Variants in CNTLN observed in about 807,000 individuals in gnomAD.
CNTLN encodes centlein.
In CNTLN, 212 loss-of-function variants were observed where a neutral mutation model predicts 180.0. The observed-to-expected ratio is 1.18, with a 90% confidence interval of 1.05 to 1.32. The LOEUF (loss-of-function observed/expected upper bound fraction) is 1.32. Among genes scored for constraint, CNTLN ranks in the 40% most tolerant of loss-of-function variants. CNTLN has a pLI of 0.00. For synonymous variants in CNTLN, 722 were observed against 563.1 expected, an observed-to-expected ratio of 1.28 and a Z score of -3.99; for missense variants, 2,095 against 1,610.9, an observed-to-expected ratio of 1.30 and a Z score of -5.14.
rs772259134 is a variant in CNTLN, at chr9:17,484,493, A to T, written c.4041+13A>T. ...AGAAGATCAAGTGGTAAGATCATTTAAATATTTATTATTAAAGGGTTTATT... is the reference window on the plus strand; with the variant it reads ...AGAAGATCAAGTGGTAAGATCATTTTAATATTTATTATTAAAGGGTTTATT... On this transcript the variant is annotated intron_variant, in intron 24 of 25. Transcript: ENST00000380647. 1 of 1,569,538 alleles carries T rather than the reference A, an allele frequency of 6.4e-7. No individual in the cohort carries two copies. Among genetic ancestry groups the T allele is most frequent in the Admixed American group, 2.1e-5 (1 of 48,766 alleles).
chr9:17,426,068 C>T (rs1829064239), intron 18 of CNTLN, among the ~76,000 whole-genome samples: 1 of 152,256 alleles, frequency 6.6e-6, no homozygotes, highest in East Asian at 1.9e-4. Flanking sequence ...GGGACCTAAT[C>T]CTTCTTAGCA....
At chr9:17,150,930 C>T (rs1318392623) in intron 2 of CNTLN, among the ~76,000 whole-genome samples, 2 of 152,098 alleles carry the variant, frequency 1.3e-5, no homozygotes, top group Non-Finnish European at 2.9e-5. Context: ...TGGGAGTTCA[C>T]TCATGGTTTG....
At chr9:17,467,178 T>G (rs911788229) in intron 23 of CNTLN, among the ~76,000 whole-genome samples, 1 of 151,504 alleles carries the variant, frequency 6.6e-6, no homozygotes, top group Non-Finnish European at 1.5e-5. Context: ...TTGAAAGAAT[T>G]AAGCTGTTCC....
downstream of CNTLN, among the ~76,000 whole-genome samples, chr9:17,507,455 C>G (rs184361155): frequency 3.3e-5 from 5 of 152,206 alleles, no homozygotes; most frequent in Admixed American, 2.6e-4. Flanking sequence ...TATGAACATA[C>G]AAAAGTAGAT....
intron 15 of CNTLN, among the ~76,000 whole-genome samples, chr9:17,400,879 G>T (rs1264078405): frequency 6.6e-6 from 1 of 152,146 alleles, no homozygotes; most frequent in Non-Finnish European, 1.5e-5. Flanking sequence ...TTTTCAAATT[G>T]TGAGTACAGG....
Position 17,210,053 on chromosome 9 carries a change from T to A in CNTLN, c.450-16150T>A, listed in dbSNP as rs537969975. Among the ~76,000 whole-genome samples, 59 of 152,258 alleles carry A rather than the reference T, an allele frequency of 3.9e-4. 1 individual carries two copies. The highest frequency in any genetic ancestry group is 1.4e-3 in the African/African-American group (58 of 41,560). On this transcript the variant is annotated intron_variant, in intron 2 of 25. Transcript: ENST00000380647. ...CTCTAACATTTGGACAGAAGTTATT[T>A]TTATTATTTATTTATTTATTTTTAT...
Position 17,296,533 on chromosome 9 carries a change from C to G in CNTLN, c.984-1657C>G, listed in dbSNP as rs111748864. On this transcript the variant is annotated intron_variant, in intron 6 of 25. Transcript: ENST00000380647. ...CTAAATGTGACATTTTTTTAGGCCT[C>G]CTGGCTAACGTATCTTAACTGTGAT... is the stretch of plus-strand genomic sequence containing the variant. 6.1e-3 allele frequency among the ~76,000 whole-genome samples: 933 copies of G among 152,114 alleles called. 17 individuals are homozygous for G. The highest frequency in any genetic ancestry group is 0.021 in the African/African-American group (886 of 41,486).
chr9:17,256,662 G>A (rs370754834), intron 5 of CNTLN, among the ~76,000 whole-genome samples: 5 of 151,828 alleles, frequency 3.3e-5, no homozygotes, highest in African/African-American at 1.2e-4. Context: ...CAAATGAGCC[G>A]ATCTGGGGAG....
At chr9:17,410,395 A>AT (rs1827754261) in intron 16 of CNTLN, among the ~76,000 whole-genome samples, 1 of 151,918 alleles carries the variant, frequency 6.6e-6, no homozygotes, top group Non-Finnish European at 1.5e-5. Flanking sequence ...AGTTGTCTGT[A>AT]TTTTTCTTAC....
At chr9:17,135,471 C>A in intron 1 of CNTLN, 46 bp downstream of exon 1, 1 of 1,550,340 alleles carries the variant, frequency 6.5e-7, no homozygotes, top group South Asian at 1.2e-5. Context: ...ACAGCGGGGC[C>A]GGGACCCGTG....
At chr9:17,180,870 A>G (rs967207408) in intron 2 of CNTLN, among the ~76,000 whole-genome samples, 2 of 152,236 alleles carry the variant, frequency 1.3e-5, no homozygotes, top group South Asian at 4.2e-4. Flanking sequence ...GAAAAATGCC[A>G]TGCCCCTTCC....
chr9:17,454,049 G>C (rs1336961115), intron 18 of CNTLN, among the ~76,000 whole-genome samples: 2 of 152,038 alleles, frequency 1.3e-5, no homozygotes, highest in African/African-American at 4.8e-5. Flanking sequence ...CGTATTTCTG[G>C]GTCCCATACA....
intron 6 of CNTLN, among the ~76,000 whole-genome samples, chr9:17,292,518 G>A (rs943409421): frequency 5.9e-5 from 9 of 151,642 alleles, no homozygotes; most frequent in Non-Finnish European, 8.8e-5. Flanking sequence ...TTTTTCTCTC[G>A]TCTTGTCTGC....
chr9:17,217,588 G>C (rs1402250994), intron 2 of CNTLN, among the ~76,000 whole-genome samples: 2 of 152,206 alleles, frequency 1.3e-5, no homozygotes, highest in African/African-American at 4.8e-5. Context: ...GTGATGTGCA[G>C]ATGTTAAAAC....
chr9:17,158,067 T>G (rs1006199521), intron 2 of CNTLN, among the ~76,000 whole-genome samples: 4 of 152,220 alleles, frequency 2.6e-5, no homozygotes, highest in Non-Finnish European at 5.9e-5. Context: ...ATGAAAATAT[T>G]CTGAAATCCA....
At chr9:17,341,005 A>T (rs370392443) in intron 11 of CNTLN, 57 bp downstream of exon 11, 22 of 1,466,242 alleles carry the variant, frequency 1.5e-5, no homozygotes, top group Non-Finnish European at 1.9e-5. Context: ...ATGGAGTAGC[A>T]TTATATAGGT....
intron 8 of CNTLN, among the ~76,000 whole-genome samples, chr9:17,326,192 G>A (rs183662086): frequency 4.6e-5 from 7 of 152,138 alleles, no homozygotes; most frequent in Middle Eastern, 3.4e-3. Context: ...GCCTTTAGCC[G>A]TGTAGTCAGT....
At chr9:17,156,093 G>T (rs937364360) in intron 2 of CNTLN, among the ~76,000 whole-genome samples, 1 of 152,166 alleles carries the variant, frequency 6.6e-6, no homozygotes, top group African/African-American at 2.4e-5. Context: ...GAGATGAACC[G>T]GGTACTTCAG....
chr9:17,152,283 G>C (rs2815180), intron 2 of CNTLN, among the ~76,000 whole-genome samples: 49,550 of 151,932 alleles, frequency 0.33, 10,102 homozygotes, highest in East Asian at 0.59. Flanking sequence ...TTCCTGCTTT[G>C]TCTTGTGGGC....
Sources: allele counts gnomAD v4.1 joint callset (sites outside exome capture counted in the v4.1 genomes callset), GRCh38; gene constraint gnomAD v4.1.1; transcripts MANE v1.5; gene names NCBI Gene and HGNC (gene_info 2026-07-23, HGNC 2026-07-21).